Variants in TBC1D30 observed in about 807,000 individuals in gnomAD.
TBC1D30 encodes TBC1 domain family, member 30.
TBC1D30 carries 31 observed loss-of-function variants against 63.2 expected under a neutral mutation model. The ratio of observed to expected loss-of-function variants is 0.49; its 90% CI spans 0.37 to 0.66. TBC1D30 has a LOEUF of 0.66. Ranked by LOEUF, TBC1D30 falls within the 30% of genes least tolerant of loss-of-function variation. The probability of loss-of-function intolerance (pLI) is 0.00; values close to 1 mark genes in which losing one functional copy is unlikely to be tolerated. For synonymous variants in TBC1D30, 307 were observed against 361.5 expected, an observed-to-expected ratio of 0.85 and a Z score of 1.71; for missense variants, 810 against 953.6, an observed-to-expected ratio of 0.85 and a Z score of 1.98.
rs1268766549 is a variant in TBC1D30 at position 64,875,626 on chromosome 12, C to A, written c.2124C>A (p.Ile708=). 1 of 1,536,164 alleles carries A rather than the reference C, an allele frequency of 6.5e-7. No homozygotes were observed. Among genetic ancestry groups the A allele is most frequent in the African/African-American group, 1.4e-5 (1 of 73,052 alleles). The change falls in exon 12 of 12, where the codon ATC becomes ATA. Residue 708 remains isoleucine (I), a synonymous_variant. Transcript: ENST00000539867. ...AAGGCAGCAACTCAAAAACCCCCAT[C>A]TTTAGCCCTTTTCCCAGCGTCAAGC... The part of the protein sequence containing the change: ...APQGSNSKTP[I]FSPFPSVKPL...
chr12:64,812,752 GA>G lies in TBC1D30; in HGVS notation c.644-15082del, dbSNP rs1322551394. Among the ~76,000 whole-genome samples the G allele has an allele frequency of 2.0e-5, 3 of 149,620 alleles. No individual in the cohort carries two copies. In the East Asian group the frequency reaches 5.8e-4, roughly 29 times the overall value. ...CACTTAAACTTTGCTGTGAAAGATT[GA>G]TTTTTTTTTTTTTGCTTGCAGTGAT... On this transcript the variant is annotated intron_variant, in intron 2 of 12. Coordinates refer to the TBC1D30 transcript ENST00000542120.
intron 5 of TBC1D30, 129 bp downstream of exon 5, chr12:64,832,433 T>G: frequency 1.1e-6 from 1 of 894,980 alleles, no homozygotes; most frequent in Non-Finnish European, 1.6e-6. Context: ...TGACCTATGA[T>G]AGCATTTCCT....
At chr12:64,794,094 A>T (rs1415147498) in intron 2 of TBC1D30, among the ~76,000 whole-genome samples, 1 of 152,158 alleles carries the variant, frequency 6.6e-6, no homozygotes, top group Non-Finnish European at 1.5e-5. Context: ...TTGCCTTCTC[A>T]CTTGTCTTGT....
At chr12:64,868,378 C>T (rs1390016594) in intron 10 of TBC1D30, 1 of 175,886 alleles carries the variant, frequency 5.7e-6, no homozygotes, top group African/African-American at 2.4e-5. Context: ...AACTCCACCA[C>T]CTTTCAGACC....
intron 2 of TBC1D30, among the ~76,000 whole-genome samples, chr12:64,794,008 C>G (rs183429637): frequency 2.6e-5 from 4 of 152,302 alleles, no homozygotes; most frequent in African/African-American, 9.6e-5. Flanking sequence ...TTTTTGGTAA[C>G]TGTGCACGGG....
chr12:64,845,485 G>T (rs1245105646), intron 8 of TBC1D30, among the ~76,000 whole-genome samples: 1 of 152,084 alleles, frequency 6.6e-6, no homozygotes, highest in Non-Finnish European at 1.5e-5. Context: ...CCAGCGCTTT[G>T]GGAGGCTGAG....
chr12:64,851,366 A>G lies in TBC1D30; in HGVS notation c.1038+7881A>G, dbSNP rs1045286128. Reference sequence around the variant, plus strand: ...AACAAAAAAAGAAAATTTCAGGCCAATATCCCATTTGCTTGGTAAATCTTC... The same window carrying G: ...AACAAAAAAAGAAAATTTCAGGCCAGTATCCCATTTGCTTGGTAAATCTTC... On this transcript the variant is annotated intron_variant, in intron 8 of 11. Coordinates refer to ENST00000539867, the MANE Select transcript of TBC1D30 (RefSeq NM_015279.2). Among the ~76,000 whole-genome samples, 6 of 152,068 alleles carry G rather than the reference A, an allele frequency of 3.9e-5. No individual in the cohort carries two copies. In the South Asian group the frequency reaches 8.3e-4, roughly 21 times the overall value.
At chr12:64,802,312 T>C (rs1361710542) in intron 2 of TBC1D30, among the ~76,000 whole-genome samples, 8 of 152,116 alleles carry the variant, frequency 5.3e-5, no homozygotes. Flanking sequence ...CACCTTGTTT[T>C]GTTTTTGGCA....
exon 1 of TBC1D30, among the ~76,000 whole-genome samples, chr12:64,780,577 C>A (rs988475829): frequency 1.3e-5 from 2 of 152,216 alleles, no homozygotes; most frequent in African/African-American, 4.8e-5. Context: ...CAGCAGGTGG[C>A]CCCAGGTAGC....
intron 2 of TBC1D30, among the ~76,000 whole-genome samples, chr12:64,792,897 C>G (rs1255143117): frequency 5.3e-5 from 8 of 152,158 alleles, no homozygotes; most frequent in Non-Finnish European, 1.0e-4. Flanking sequence ...GAATAATCAA[C>G]TAGGTTGGGG....
intron 2 of TBC1D30, among the ~76,000 whole-genome samples, chr12:64,790,396 T>G (rs1046490267): frequency 6.6e-6 from 1 of 152,168 alleles, no homozygotes; most frequent in African/African-American, 2.4e-5. Context: ...CTTAACCTGT[T>G]TTTCCTGAAA....
intron 2 of TBC1D30, among the ~76,000 whole-genome samples, chr12:64,795,365 G>A (rs1274109022): frequency 6.6e-6 from 1 of 152,124 alleles, no homozygotes; most frequent in Non-Finnish European, 1.5e-5. Flanking sequence ...TTTAGGTAAG[G>A]TACTCACCCT....
At chr12:64,804,581 A>C (rs1374064470) in intron 2 of TBC1D30, among the ~76,000 whole-genome samples, 2 of 152,192 alleles carry the variant, frequency 1.3e-5, no homozygotes, top group Non-Finnish European at 2.9e-5. Flanking sequence ...TTCAAAGGGA[A>C]TGCTTCCAGT....
intron 2 of TBC1D30, among the ~76,000 whole-genome samples, chr12:64,791,334 G>A (rs1173716439): frequency 6.6e-6 from 1 of 152,022 alleles, no homozygotes; most frequent in Non-Finnish European, 1.5e-5. Flanking sequence ...TCTGGAATTA[G>A]TTAGTGGTGA....
At chr12:64,832,325 A>G in intron 5 of TBC1D30, 21 bp downstream of exon 5, 2 of 1,530,768 alleles carry the variant, frequency 1.3e-6, no homozygotes, top group Non-Finnish European at 1.8e-6. Flanking sequence ...GGCTCTGACA[A>G]AGGCCATGGA....
chr12:64,828,500 G>C lies in TBC1D30; in HGVS notation c.273G>C (p.Trp91Cys). The C allele has an allele frequency of 1.3e-6, 2 of 1,535,132 alleles. No homozygotes were observed. The highest frequency in any genetic ancestry group is 1.7e-6 in the Non-Finnish European group (2 of 1,146,068). ...TATCCACAGGAATACCAAAGGAATGGAGGAGAAAGGTAAGGAGGACTCATA... is the reference window on the plus strand; with the variant it reads ...TATCCACAGGAATACCAAAGGAATGCAGGAGAAAGGTAAGGAGGACTCATA... ...ARLSTGIPKEWRRKVWLTLAD... is the reference protein window; with the variant it reads ...ARLSTGIPKECRRKVWLTLAD... Residue 91 changes from tryptophan (W) to cysteine (C), a missense_variant, in exon 3 of 12, where the codon TGG (tryptophan) becomes TGC (cysteine). Trp to Cys is a radical substitution (Grantham distance 215). Transcript: ENST00000539867.
At chr12:64,766,580 G>A (rs1870722288) in intron 1 of TBC1D30, among the ~76,000 whole-genome samples, 1 of 152,064 alleles carries the variant, frequency 6.6e-6, no homozygotes, top group Non-Finnish European at 1.5e-5. Flanking sequence ...GGAAAAAATG[G>A]ACAACTCGAT....
chr12:64,812,026 G>T (rs1446406677), intron 2 of TBC1D30, among the ~76,000 whole-genome samples: 1 of 152,096 alleles, frequency 6.6e-6, no homozygotes, highest in African/African-American at 2.4e-5. Flanking sequence ...CCTTGGAAAA[G>T]TTATTTAACC....
intron 2 of TBC1D30, among the ~76,000 whole-genome samples, chr12:64,808,784 T>A (rs1040234631): frequency 1.3e-5 from 2 of 151,504 alleles, no homozygotes; most frequent in Admixed American, 6.6e-5. Context: ...GTATTTGTCC[T>A]CTTGTGATGG....
Sources: allele counts gnomAD v4.1 joint callset (sites outside exome capture counted in the v4.1 genomes callset), GRCh38; gene constraint gnomAD v4.1.1; transcripts MANE v1.5; gene names NCBI Gene and HGNC (gene_info 2026-07-23, HGNC 2026-07-21).